The following CCDC160 variants were observed in gnomAD, a reference collection of about 807,000 sequenced individuals.
CCDC160 encodes the protein coiled-coil domain containing 160.
For missense variants in CCDC160, 227 were observed against 215.6 expected, an observed-to-expected ratio of 1.05 and a Z score of -0.33; for synonymous variants, 94 against 79.4, an observed-to-expected ratio of 1.18 and a Z score of -0.98.
Position 134,242,563 on chromosome X carries a change from AAG to A in CCDC160, c.-24-2213_-24-2212del, listed in dbSNP as rs1491556966. Reference sequence around the variant, plus strand: ...GGGAAGAGAGACAGTGAAAATTAAAAAGTGTGTGTGTGTGTGTGTGTGTGCAT... The same window carrying A: ...GGGAAGAGAGACAGTGAAAATTAAAATGTGTGTGTGTGTGTGTGTGTGCAT... On this transcript the variant is annotated intron_variant, in intron 1 of 1. Transcript: ENST00000370809. 6.6e-3 allele frequency among the ~76,000 whole-genome samples: 688 copies of A among 104,770 alleles called. 5 individuals are homozygous for A. Among genetic ancestry groups the A allele is most frequent in the Middle Eastern group, 0.015 (3 of 206 alleles). 91.0% of individuals were successfully genotyped at this position (104,770 alleles called of 115,157 possible). A position where few individuals can be genotyped will look rare whatever the true frequency, so the allele number is the denominator to read the frequency against.
chrX:134,239,159 G>C (rs764633254), intron 1 of CCDC160, among the ~76,000 whole-genome samples: 1 of 111,972 alleles, frequency 8.9e-6, no homozygotes, highest in Admixed American at 9.5e-5. Flanking sequence ...GAATATTAAG[G>C]ATCATTCATT....
intron 1 of CCDC160, among the ~76,000 whole-genome samples, chrX:134,240,550 T>C (rs1414936434): frequency 1.8e-5 from 2 of 110,303 alleles, no homozygotes; most frequent in African/African-American, 3.3e-5. Flanking sequence ...GCCTTTGGCA[T>C]TCTTCCAGAA....
At chrX:134,245,021 A>G (rs2077037886) in exon 2 of CCDC160, 1 of 1,177,720 alleles carries the variant, frequency 8.5e-7, no homozygotes, top group Non-Finnish European at 1.1e-6. Flanking sequence ...AATGAAATAG[A>G]ACAAGAACAA....
chrX:134,242,983 A>G (rs1299263821), intron 1 of CCDC160, among the ~76,000 whole-genome samples: 1 of 111,505 alleles, frequency 9.0e-6, no homozygotes, highest in Non-Finnish European at 1.9e-5. Context: ...CCTTTCCTCT[A>G]TGATTGCTGT....
chrX:134,237,314 G>C (rs1168637202), exon 1 of CCDC160: 4 of 112,833 alleles, frequency 3.5e-5, no homozygotes, highest in African/African-American at 9.6e-5. Flanking sequence ...AGAGAGGTTC[G>C]GGCTCTCCAG....
intron 1 of CCDC160, among the ~76,000 whole-genome samples, chrX:134,242,589 A>G (rs868623162): frequency 1.5e-4 from 16 of 109,439 alleles, no homozygotes; most frequent in Middle Eastern, 4.6e-3. Flanking sequence ...GTGTGTGTGC[A>G]TGTGTGCATA....
Position 134,245,340 on chromosome X carries a change from A to C in CCDC160, c.540A>C (p.Lys180Asn), listed in dbSNP as rs765691973. The C allele has an allele frequency of 1.3e-5, 16 of 1,189,938 alleles. No individual in the cohort carries two copies. In the South Asian group the frequency reaches 3.1e-4, roughly 23 times the overall value. ...AAAAAGAACTTTTGCACTACAAAAA[A>C]GAAATATTCACAAAACCCCTAAATT... The change falls in exon 2 of 2, where the codon AAA (lysine) becomes AAC (asparagine). Residue 180 changes from lysine (K) to asparagine (N), a missense_variant. Transcript: ENST00000370809.
At chrX:134,240,484 C>A (rs2077023675) in intron 1 of CCDC160, among the ~76,000 whole-genome samples, 1 of 110,067 alleles carries the variant, frequency 9.1e-6, no homozygotes, top group Admixed American at 9.7e-5. Context: ...CCTTTTCCAA[C>A]CATCATTCCC....
rs1172097528 is a variant in CCDC160 at position 134,245,290 on chromosome X, A to G, written c.490A>G (p.Ile164Val). ...AGAACTTAATATGAAATACAGAAAA[A>G]TAGAAGAGGAATTTGAAAATGCTGA... The change falls in exon 2 of 2, where the codon ATA becomes GTA. Residue 164 changes from isoleucine (I) to valine (V), a missense_variant. By Grantham distance (29) the Ile-to-Val change is conservative. Transcript: ENST00000370809. The G allele has an allele frequency of 8.4e-7, 1 of 1,188,452 alleles. No homozygotes were observed. The highest frequency in any genetic ancestry group is 1.8e-5 in the African/African-American group (1 of 56,399).
chrX:134,244,967 A>C, exon 2 of CCDC160: 1 of 1,193,814 alleles, frequency 8.4e-7, no homozygotes, highest in Non-Finnish European at 1.1e-6. Flanking sequence ...AGAAAGTTTC[A>C]GGAAGAAAGT....
exon 2 of CCDC160, chrX:134,244,828 G>A (rs756568036): frequency 6.8e-6 from 8 of 1,173,980 alleles, no homozygotes; most frequent in Admixed American, 5.3e-5. Context: ...ACACTGGAAG[G>A]AGAATATGTT....
At chrX:134,246,022 T>TGTGTGTGTGTGTAC (rs1396704700), downstream of CCDC160, 3 of 236,129 alleles carry the variant, frequency 1.3e-5, no homozygotes, top group African/African-American at 5.9e-5. Context: ...TGTGTGTGTG[T>TGTGTGTGTGTGTAC]GTGTGTGTGT....
chrX:134,242,434 T>C (rs1043292534), intron 1 of CCDC160, among the ~76,000 whole-genome samples: 3 of 111,179 alleles, frequency 2.7e-5, no homozygotes, highest in African/African-American at 9.8e-5. Context: ...TCACTTAACT[T>C]CTCTGGGCCT....
At chrX:134,245,362 A>G in exon 2 of CCDC160, 1 of 1,191,698 alleles carries the variant, frequency 8.4e-7, no homozygotes, top group Non-Finnish European at 1.1e-6. Flanking sequence ...AAAACCCCTA[A>G]ATTTTCAAGA....
chrX:134,242,966 CT>C (rs2077031984), intron 1 of CCDC160, among the ~76,000 whole-genome samples: 2 of 111,734 alleles, frequency 1.8e-5, no homozygotes, highest in Non-Finnish European at 3.8e-5. Context: ...TTTCTCCTCT[CT>C]CTGTTCCTTT....
At chrX:134,245,399 A>G in exon 2 of CCDC160, 1 of 1,187,913 alleles carries the variant, frequency 8.4e-7, no homozygotes, top group African/African-American at 1.8e-5. Context: ...TCAAAAAGTG[A>G]CTATGAACTT....
At chrX:134,246,840 C>A (rs1232256975), downstream of CCDC160, among the ~76,000 whole-genome samples, 2 of 111,992 alleles carry the variant, frequency 1.8e-5, no homozygotes, top group African/African-American at 3.2e-5. Flanking sequence ...TAATTGCACA[C>A]TATGAGGATG....
chrX:134,245,080 A>G lies in CCDC160; in HGVS notation c.280A>G (p.Asn94Asp), dbSNP rs748648886. The G allele has an allele frequency of 2.7e-5, 32 of 1,183,444 alleles. No individual in the cohort carries two copies. The highest frequency in any genetic ancestry group is 3.6e-5 in the Non-Finnish European group (32 of 879,739). Residue 94 changes from asparagine (N) to aspartate (D), a missense_variant, in exon 2 of 2, where the codon AAT becomes GAT. By Grantham distance (23) the Asn-to-Asp change is conservative. Transcript: ENST00000370809. ...CATTTCAAAGAATGAAACAGACACA[A>G]ATTCTGCATCCTATGAATCATCTAA...
At chrX:134,245,755 C>A in exon 2 of CCDC160, 1 of 1,136,564 alleles carries the variant, frequency 8.8e-7, no homozygotes, top group African/African-American at 1.8e-5. Context: ...TATCCTTGAC[C>A]ACTTTACTGG....
Sources: gnomAD v4.1 joint callset for allele counts (sites outside exome capture counted in the v4.1 genomes callset) on GRCh38, gnomAD v4.1.1 for gene constraint, MANE v1.5 for transcripts, NCBI Gene and HGNC (gene_info 2026-07-23, HGNC 2026-07-21) for gene names.